The following CLVS1 variants were observed in gnomAD, a reference collection of about 807,000 sequenced individuals.
CLVS1 encodes the protein clavesin-1.
CLVS1 carries 10 observed loss-of-function variants against 33.1 expected under a neutral mutation model. The ratio of observed to expected loss-of-function variants is 0.30; its 90% CI spans 0.19 to 0.51. CLVS1 has a LOEUF of 0.51. CLVS1 is among the 20% of genes least tolerant of loss of function. The pLI is 0.97. For missense variants in CLVS1, 343 were observed against 433.4 expected, an observed-to-expected ratio of 0.79 and a Z score of 1.85; for synonymous variants, 163 against 166.1, an observed-to-expected ratio of 0.98 and a Z score of 0.14.
At chr8:61,414,406 G>GTT (rs5891802) in intron 3 of CLVS1, among the ~76,000 whole-genome samples, 2,835 of 145,556 alleles carry the variant, frequency 0.019, 94 homozygotes, top group African/African-American at 0.061. Flanking sequence ...TACCGAAATT[G>GTT]TTTTTTTTTT....
At chr8:61,239,675 G>A (rs958773676) in intron 2 of CLVS1, among the ~76,000 whole-genome samples, 2 of 152,146 alleles carry the variant, frequency 1.3e-5, no homozygotes, top group East Asian at 1.9e-4. Context: ...GGTCGAGGCT[G>A]CAAGTGAGCC....
At chr8:61,034,771 C>T in the CLVS1 span, among the ~76,000 whole-genome samples, 1 of 152,040 alleles carries the variant, frequency 6.6e-6, no homozygotes, top group Admixed American at 6.6e-5. Flanking sequence ...CCAGTATTTT[C>T]CAAGGGAATG....
At chr8:61,213,529 T>C (rs11776872) in intron 2 of CLVS1, among the ~76,000 whole-genome samples, 22,594 of 150,498 alleles carry the variant, frequency 0.15, 2,526 homozygotes, top group African/African-American at 0.32. Context: ...TTCCCCAGAT[T>C]AGTACTTTTA....
intron 3 of CLVS1, among the ~76,000 whole-genome samples, chr8:61,420,502 T>TGA (rs1164780244): frequency 1.3e-5 from 2 of 152,050 alleles, no homozygotes; most frequent in African/African-American, 4.8e-5. Context: ...CTCGGGAGGC[T>TGA]GAGGCAAAAG....
At chr8:61,118,119 G>A (rs1395585064) in intron 1 of CLVS1, among the ~76,000 whole-genome samples, 1 of 151,752 alleles carries the variant, frequency 6.6e-6, no homozygotes, top group Non-Finnish European at 1.5e-5. Context: ...ATGTGTCGAG[G>A]AATTTATCCA....
the CLVS1 span, among the ~76,000 whole-genome samples, chr8:61,050,552 C>T: frequency 6.6e-6 from 1 of 152,230 alleles, no homozygotes; most frequent in African/African-American, 2.4e-5. Flanking sequence ...TCTCTGGTCC[C>T]TCGGCCACCA....
chr8:61,209,720 T>G (rs1249638444), intron 2 of CLVS1, among the ~76,000 whole-genome samples: 1 of 135,220 alleles, frequency 7.4e-6, no homozygotes, highest in Non-Finnish European at 1.6e-5. Flanking sequence ...CTTTTGCACA[T>G]GGATGTCAAT....
At chr8:61,265,031 T>C (rs967512777) in intron 2 of CLVS1, among the ~76,000 whole-genome samples, 5 of 152,170 alleles carry the variant, frequency 3.3e-5, no homozygotes, top group Non-Finnish European at 7.4e-5. Context: ...GAACTCAAGA[T>C]TTTCCTTTAT....
intron 1 of CLVS1, among the ~76,000 whole-genome samples, chr8:61,289,556 T>C (rs1456056429): frequency 2.0e-5 from 3 of 152,228 alleles, no homozygotes; most frequent in Non-Finnish European, 4.4e-5. Context: ...CTTATGAAAT[T>C]AACATCTTAA....
intron 5 of CLVS1, among the ~76,000 whole-genome samples, chr8:61,477,097 G>A (rs555783926): frequency 4.1e-4 from 63 of 152,254 alleles, no homozygotes; most frequent in African/African-American, 1.2e-3. Flanking sequence ...GATGGATTAC[G>A]TTTATTGATT....
chr8:61,032,999 AAG>A, the CLVS1 span, among the ~76,000 whole-genome samples: 183 of 77,722 alleles, frequency 2.4e-3, 3 homozygotes, highest in African/African-American at 9.0e-3. Context: ...GAAGGAAAGA[AAG>A]AAAGAAAGAA....
At chr8:61,477,284 G>A (rs550810307) in intron 5 of CLVS1, among the ~76,000 whole-genome samples, 180 of 152,218 alleles carry the variant, frequency 1.2e-3, no homozygotes, top group Middle Eastern at 6.8e-3. Flanking sequence ...TCTCTGCCAG[G>A]CTTTGGTATC....
intron 2 of CLVS1, among the ~76,000 whole-genome samples, chr8:61,303,145 T>C (rs762024651): frequency 1.6e-4 from 25 of 152,184 alleles, no homozygotes; most frequent in Non-Finnish European, 2.6e-4. Context: ...AGAACTTCCA[T>C]CTGCTAAGAC....
chr8:61,239,547 A>G (rs1426705708), intron 2 of CLVS1, among the ~76,000 whole-genome samples: 4 of 152,146 alleles, frequency 2.6e-5, no homozygotes, highest in African/African-American at 9.7e-5. Context: ...CCACCTGGGC[A>G]ACGTGGTAAG....
intron 2 of CLVS1, among the ~76,000 whole-genome samples, chr8:61,146,232 C>T (rs933302451): frequency 2.6e-5 from 4 of 152,100 alleles, no homozygotes; most frequent in African/African-American, 9.7e-5. Context: ...GTGAAATACA[C>T]TTTTTTAAAA....
At chr8:61,176,044 G>A (rs1807106751) in intron 2 of CLVS1, among the ~76,000 whole-genome samples, 1 of 152,206 alleles carries the variant, frequency 6.6e-6, no homozygotes, top group African/African-American at 2.4e-5. Flanking sequence ...TTCCTTTACA[G>A]AGTTAAGGGC....
intron 5 of CLVS1, among the ~76,000 whole-genome samples, chr8:61,461,866 G>A (rs1341190372): frequency 1.3e-5 from 2 of 150,628 alleles, no homozygotes; most frequent in Non-Finnish European, 3.0e-5. Flanking sequence ...CCATACCCTG[G>A]AAAAATGCTT....
chr8:61,329,925 T>C (rs1488991369), intron 2 of CLVS1, among the ~76,000 whole-genome samples: 3 of 152,154 alleles, frequency 2.0e-5, no homozygotes, highest in Non-Finnish European at 4.4e-5. Context: ...CCCTTGTCCT[T>C]GCCATTAGCT....
chr8:61,365,412 G>A (rs555049206), intron 2 of CLVS1, among the ~76,000 whole-genome samples: 51 of 152,012 alleles, frequency 3.4e-4, no homozygotes, highest in African/African-American at 9.4e-4. Flanking sequence ...CTGTAATCCC[G>A]GCTACTCGGG....
Sources: gnomAD v4.1 joint callset for allele counts (sites outside exome capture counted in the v4.1 genomes callset) on GRCh38, gnomAD v4.1.1 for gene constraint, MANE v1.5 for transcripts, NCBI Gene and HGNC (gene_info 2026-07-23, HGNC 2026-07-21) for gene names.